Variants in FARS2 observed in about 807,000 individuals in gnomAD.
The protein encoded by FARS2 is phenylalanine--tRNA ligase, mitochondrial.
Under a neutral mutation model 46.4 loss-of-function variants are expected in FARS2, and 40 were observed. The observed-to-expected ratio is 0.86, with a 90% CI of 0.67 to 1.12. The LOEUF (loss-of-function observed/expected upper bound fraction) is 1.12. Ranked by LOEUF, FARS2 falls within the 50% of genes most tolerant of loss-of-function variation. FARS2 has a pLI of 0.00. For synonymous variants in FARS2, 234 were observed against 214.9 expected (o/e 1.09, Z -0.78); for missense variants, 513 against 567.9 (o/e 0.90, Z 0.98).
At chr6:5,629,299 G>C (rs79601987) in intron 6 of FARS2, among the ~76,000 whole-genome samples, 4 of 152,292 alleles carry the variant, frequency 2.6e-5, no homozygotes, top group East Asian at 1.9e-4. Context: ...AATTAGAAAC[G>C]TGTCACCATG....
At chr6:5,446,060 G>A (rs1181508652) in intron 4 of FARS2, among the ~76,000 whole-genome samples, 6 of 151,968 alleles carry the variant, frequency 3.9e-5, no homozygotes, top group African/African-American at 7.3e-5. Flanking sequence ...AAAATTAGCC[G>A]GGCGTGGGGG....
At position 5,607,865 on chromosome 6, in the gene FARS2, G is replaced by T. The variant is rs147562356; in HGVS notation, c.1066-5304G>T. Reference sequence around the variant, plus strand: ...AAGAAAATCAGCAGATAAAAGAAAGGATATAGAAGATTAGAATAATACAAT... The same window carrying T: ...AAGAAAATCAGCAGATAAAAGAAAGTATATAGAAGATTAGAATAATACAAT... On this transcript the variant is annotated intron_variant, in intron 5 of 6. Transcript: ENST00000274680. 5.3e-3 allele frequency among the ~76,000 whole-genome samples: 800 copies of T among 152,074 alleles called. 8 individuals are homozygous for T. Among genetic ancestry groups the T allele is most frequent in the African/African-American group, 0.019 (777 of 41,484 alleles).
At chr6:5,296,374 C>G (rs1417880305) in intron 1 of FARS2, among the ~76,000 whole-genome samples, 1 of 152,086 alleles carries the variant, frequency 6.6e-6, no homozygotes, top group African/African-American at 2.4e-5. Flanking sequence ...ATCTCCTGAC[C>G]TCGTGATCCG....
intron 2 of FARS2, among the ~76,000 whole-genome samples, chr6:5,369,578 T>C (rs999146400): frequency 2.0e-5 from 3 of 152,300 alleles, no homozygotes; most frequent in Admixed American, 6.5e-5. Flanking sequence ...AAGTAAATTA[T>C]ATTTTCTTGC....
chr6:5,477,584 T>C (rs1215328065), intron 4 of FARS2, among the ~76,000 whole-genome samples: 1 of 152,264 alleles, frequency 6.6e-6, no homozygotes, highest in Non-Finnish European at 1.5e-5. Context: ...TGTGTTTGTA[T>C]CCAGTCTTAC....
At position 5,672,226 on chromosome 6, in the gene FARS2, C is replaced by A. The variant is rs1778508675; in HGVS notation, c.1217+58906C>A. ...TTCCTCACCGACCCAAAGTGCAGAGCTAGCAGGGTAGGCACACCCACCCGT... is the reference window on the plus strand; with the variant it reads ...TTCCTCACCGACCCAAAGTGCAGAGATAGCAGGGTAGGCACACCCACCCGT... On this transcript the variant is annotated intron_variant, in intron 6 of 6. Transcript: ENST00000274680. Among the ~76,000 whole-genome samples, 7 of 152,260 alleles carry A rather than the reference C, an allele frequency of 4.6e-5. No individual in the cohort carries two copies. The South Asian group carries it at 1.5e-3, about 32-fold the overall frequency.
chr6:5,593,296 G>GCC (rs145102482), intron 5 of FARS2, among the ~76,000 whole-genome samples: 75 of 146,334 alleles, frequency 5.1e-4, no homozygotes, highest in African/African-American at 1.8e-3. Context: ...TGCACCTCCC[G>GCC]CCCCCACCGG....
intron 6 of FARS2, among the ~76,000 whole-genome samples, chr6:5,682,047 G>A (rs184929658): frequency 5.8e-4 from 88 of 152,264 alleles, no homozygotes; most frequent in African/African-American, 2.0e-3. Context: ...GGACACTTCC[G>A]ACTCTACCTC....
At chr6:5,709,338 C>G (rs145805941) in intron 6 of FARS2, among the ~76,000 whole-genome samples, 1 of 152,296 alleles carries the variant, frequency 6.6e-6, no homozygotes, top group Non-Finnish European at 1.5e-5. Flanking sequence ...CCCAGCTGCA[C>G]CTGCCCTCAC....
At chr6:5,538,356 G>T (rs1399586149) in intron 4 of FARS2, among the ~76,000 whole-genome samples, 1 of 152,104 alleles carries the variant, frequency 6.6e-6, no homozygotes, top group South Asian at 2.1e-4. Context: ...AAAATAAATA[G>T]TTGAGATAAT....
intron 6 of FARS2, among the ~76,000 whole-genome samples, chr6:5,689,721 G>A (rs1757542097): frequency 6.6e-6 from 1 of 152,112 alleles, no homozygotes; most frequent in Non-Finnish European, 1.5e-5. Context: ...AGGTCCGCTT[G>A]GTGCAGAGCT....
chr6:5,332,855 G>A (rs1325930327), intron 1 of FARS2, among the ~76,000 whole-genome samples: 2 of 152,286 alleles, frequency 1.3e-5, no homozygotes, highest in Admixed American at 6.5e-5. Flanking sequence ...AGGATGAACC[G>A]CATTAAAAGG....
At chr6:5,684,244 C>T (rs947681594) in intron 6 of FARS2, among the ~76,000 whole-genome samples, 3 of 152,106 alleles carry the variant, frequency 2.0e-5, no homozygotes, top group African/African-American at 7.2e-5. Context: ...GAGGACCATC[C>T]CCGATGTGCC....
chr6:5,577,744 G>A (rs1421058736), intron 5 of FARS2, among the ~76,000 whole-genome samples: 1 of 151,998 alleles, frequency 6.6e-6, no homozygotes, highest in Non-Finnish European at 1.5e-5. Flanking sequence ...TAGCTTTGGA[G>A]TAAACAATAA....
chr6:5,361,750 T>C (rs1399676977), intron 1 of FARS2, among the ~76,000 whole-genome samples: 3 of 152,218 alleles, frequency 2.0e-5, no homozygotes, highest in Non-Finnish European at 4.4e-5. Context: ...TGGTTATGGA[T>C]TGTGCTTGAA....
intron 4 of FARS2, among the ~76,000 whole-genome samples, chr6:5,531,009 C>G (rs9504426): frequency 0.22 from 33,626 of 151,328 alleles, 4,933 homozygotes; most frequent in Non-Finnish European, 0.32. Context: ...CAGCTTTTTG[C>G]TCCTGGTCAC....
chr6:5,259,364 T>C (rs1334516928), upstream of FARS2, among the ~76,000 whole-genome samples: 1 of 152,198 alleles, frequency 6.6e-6, no homozygotes, highest in East Asian at 1.9e-4. Context: ...GTATGCTTAT[T>C]ATTACACTCT....
At chr6:5,286,133 A>C (rs1405043550) in intron 1 of FARS2, among the ~76,000 whole-genome samples, 1 of 152,016 alleles carries the variant, frequency 6.6e-6, no homozygotes, top group Non-Finnish European at 1.5e-5. Context: ...CATTTAGTAC[A>C]CTCTAAATTG....
At chr6:5,422,678 C>T (rs1378874874) in intron 3 of FARS2, among the ~76,000 whole-genome samples, 1 of 152,208 alleles carries the variant, frequency 6.6e-6, no homozygotes, top group Admixed American at 6.5e-5. Flanking sequence ...AGCCTCACAT[C>T]AGCGTAAGCA....
Sources: allele counts gnomAD v4.1 joint callset (sites outside exome capture counted in the v4.1 genomes callset), GRCh38; gene constraint gnomAD v4.1.1; transcripts MANE v1.5; gene names NCBI Gene and HGNC (gene_info 2026-07-23, HGNC 2026-07-21).